FAM174A: variants seen among roughly 807,000 people sequenced by gnomAD.
FAM174A encodes the protein family with sequence similarity 174 member A, also known as membrane protein FAM174A.
In FAM174A, 14 loss-of-function variants were observed where a neutral mutation model predicts 14.3. The observed-to-expected ratio is 0.98, with a 90% CI of 0.65 to 1.53. The LOEUF (loss-of-function observed/expected upper bound fraction) is 1.53, where lower values mean the gene tolerates loss of function less well. FAM174A is among the 40% of genes most tolerant of loss of function. FAM174A has a pLI of 0.00. For synonymous variants in FAM174A, 108 were observed against 111.4 expected, an observed-to-expected ratio of 0.97 and a Z score of 0.19; for missense variants, 241 against 249.6, an observed-to-expected ratio of 0.97 and a Z score of 0.23.
At chr5:100,541,558 T>C (rs908902181) in intron 1 of FAM174A, among the ~76,000 whole-genome samples, 6 of 152,098 alleles carry the variant, frequency 3.9e-5, no homozygotes, top group Non-Finnish European at 8.8e-5. Flanking sequence ...GAATGAACTA[T>C]CCAGTCTTGT....
intron 1 of FAM174A, among the ~76,000 whole-genome samples, chr5:100,557,249 C>T (rs1329629741): frequency 2.0e-5 from 3 of 151,872 alleles, no homozygotes; most frequent in South Asian, 2.1e-4. Flanking sequence ...TATTGATTTG[C>T]GTATGTTGAA....
chr5:100,556,506 G>C (rs1343821852), intron 1 of FAM174A, among the ~76,000 whole-genome samples: 1 of 152,114 alleles, frequency 6.6e-6, no homozygotes, highest in Non-Finnish European at 1.5e-5. Flanking sequence ...GATGGGGATG[G>C]CATTGAATCT....
chr5:100,557,219 G>T (rs1746409815), intron 1 of FAM174A, among the ~76,000 whole-genome samples: 1 of 124,342 alleles, frequency 8.0e-6, no homozygotes, highest in Non-Finnish European at 1.8e-5. Flanking sequence ...TTCTGTCATT[G>T]GTACATGTTG....
At chr5:100,576,219 A>G (rs183697946) in intron 2 of FAM174A, among the ~76,000 whole-genome samples, 1 of 152,298 alleles carries the variant, frequency 6.6e-6, no homozygotes, top group African/African-American at 2.4e-5. Flanking sequence ...AAATACCAAT[A>G]TATGGTTTAA....
chr5:100,578,011 C>T (rs990150359), intron 2 of FAM174A, among the ~76,000 whole-genome samples: 5 of 152,054 alleles, frequency 3.3e-5, no homozygotes, highest in African/African-American at 1.2e-4. Flanking sequence ...TAGGATACAG[C>T]ATAGCGCATA....
intron 1 of FAM174A, among the ~76,000 whole-genome samples, chr5:100,547,697 G>A (rs1421650999): frequency 2.6e-5 from 4 of 152,060 alleles, no homozygotes; most frequent in Admixed American, 6.6e-5. Context: ...GTATCACTAT[G>A]AGTATATACA....
chr5:100,536,950 T>G (rs1341218445), intron 1 of FAM174A, among the ~76,000 whole-genome samples: 2 of 152,206 alleles, frequency 1.3e-5, no homozygotes, highest in Non-Finnish European at 2.9e-5. Context: ...CACTTAGACC[T>G]CTTCAGGGCA....
chr5:100,548,504 C>T (rs1350213529), intron 1 of FAM174A, among the ~76,000 whole-genome samples: 5 of 152,016 alleles, frequency 3.3e-5, no homozygotes, highest in Non-Finnish European at 7.4e-5. Context: ...TGAAGATTAG[C>T]AGGCTGTTTT....
At chr5:100,546,319 G>C (rs184357223) in intron 1 of FAM174A, among the ~76,000 whole-genome samples, 39 of 152,276 alleles carry the variant, frequency 2.6e-4, no homozygotes, top group Admixed American at 1.9e-3. Context: ...AGTTACATCT[G>C]TTCATGTTTT....
At chr5:100,579,030 G>T (rs540486817) in intron 2 of FAM174A, among the ~76,000 whole-genome samples, 1 of 152,330 alleles carries the variant, frequency 6.6e-6, no homozygotes, top group African/African-American at 2.4e-5. Flanking sequence ...AGCCATCAAG[G>T]CATTAAATGT....
chr5:100,546,068 A>G (rs1746158465), intron 1 of FAM174A, among the ~76,000 whole-genome samples: 1 of 152,232 alleles, frequency 6.6e-6, no homozygotes, highest in East Asian at 1.9e-4. Flanking sequence ...CTACAGTTGA[A>G]CAAACAACTT....
chr5:100,585,993 T>C (rs1236776128), intron 2 of FAM174A, among the ~76,000 whole-genome samples, 188 bp from the exon 3 acceptor site: 1 of 152,202 alleles, frequency 6.6e-6, no homozygotes, highest in Non-Finnish European at 1.5e-5. Context: ...AATTTCTGTT[T>C]AATAGATAAT....
At chr5:100,561,977 A>G (rs1405169341) in intron 1 of FAM174A, 77 bp from the exon 2 acceptor site, 9 of 832,014 alleles carry the variant, frequency 1.1e-5, no homozygotes, top group Non-Finnish European at 1.5e-5. Flanking sequence ...GAAACAGAAT[A>G]ATAATTTATT....
chr5:100,542,708 T>C (rs1225054478), intron 1 of FAM174A, among the ~76,000 whole-genome samples: 1 of 152,114 alleles, frequency 6.6e-6, no homozygotes, highest in African/African-American at 2.4e-5. Flanking sequence ...TAAAAACTTA[T>C]GTTACCTGGG....
At chr5:100,538,941 T>C (rs956938428) in intron 1 of FAM174A, among the ~76,000 whole-genome samples, 3 of 152,174 alleles carry the variant, frequency 2.0e-5, no homozygotes, top group Admixed American at 2.0e-4. Flanking sequence ...AAAGCAATTT[T>C]TGTCATAGCT....
intron 1 of FAM174A, among the ~76,000 whole-genome samples, chr5:100,559,836 G>A (rs1020402141): frequency 6.6e-6 from 1 of 151,964 alleles, no homozygotes; most frequent in African/African-American, 2.4e-5. Flanking sequence ...GGTTATTCTA[G>A]TTAGCCATTT....
intron 2 of FAM174A, among the ~76,000 whole-genome samples, chr5:100,570,383 A>G (rs1335960138): frequency 1.3e-5 from 2 of 151,978 alleles, no homozygotes; most frequent in African/African-American, 4.8e-5. Context: ...TTAAACATGC[A>G]TTACACTATC....
intron 2 of FAM174A, among the ~76,000 whole-genome samples, chr5:100,566,285 G>A (rs937092489): frequency 2.7e-5 from 4 of 149,748 alleles, no homozygotes; most frequent in Non-Finnish European, 5.9e-5. Context: ...AGGAATTTAT[G>A]TTATTTGAAA....
intron 2 of FAM174A, among the ~76,000 whole-genome samples, chr5:100,563,290 G>C (rs1410881149): frequency 6.6e-6 from 1 of 151,336 alleles, no homozygotes; most frequent in Non-Finnish European, 1.5e-5. Flanking sequence ...TAAGATGAAA[G>C]AAAAGGGACA....
Sources: allele counts gnomAD v4.1 joint callset (sites outside exome capture counted in the v4.1 genomes callset), GRCh38; gene constraint gnomAD v4.1.1; transcripts MANE v1.5; gene names NCBI Gene and HGNC (gene_info 2026-07-23, HGNC 2026-07-21).